The following RNF220 variants were observed in gnomAD, a reference collection of about 807,000 sequenced individuals.
RNF220 encodes E3 ubiquitin-protein ligase RNF220.
RNF220 carries 7 observed loss-of-function variants against 67.1 expected under a neutral mutation model. The observed-to-expected ratio is 0.10, with a 90% CI of 0.06 to 0.20. The LOEUF is 0.20. Ranked by LOEUF, RNF220 falls within the 10% of genes least tolerant of loss-of-function variation. The pLI, the probability that RNF220 is intolerant of heterozygous loss-of-function variation, is 1.00. For missense variants in RNF220, 565 were observed against 740.3 expected, an observed-to-expected ratio of 0.76 and a Z score of 2.75; for synonymous variants, 270 against 283.2, an observed-to-expected ratio of 0.95 and a Z score of 0.47.
At chr1:44,432,477 G>A (rs1032319870) in intron 2 of RNF220, among the ~76,000 whole-genome samples, 2 of 152,064 alleles carry the variant, frequency 1.3e-5, no homozygotes, top group East Asian at 1.9e-4. Flanking sequence ...CACCATGTTG[G>A]TCAGCCTGTT....
At position 44,488,222 on chromosome 1, in the gene RNF220, G is replaced by A. The variant is rs928548839; in HGVS notation, c.625+75500G>A. Among the ~76,000 whole-genome samples the A allele has an allele frequency of 6.7e-5, 10 of 149,068 alleles. No homozygotes were observed. The East Asian group carries it at 1.4e-3, about 21-fold the overall frequency. On this transcript the variant is annotated intron_variant, in intron 2 of 14. Transcript: ENST00000361799. ...ACGATCTCGGCTCACTGCAACCTTC[G>A]CCTCCTGGGTTCAAGTGATTCACCT...
At position 44,412,875 on chromosome 1, in the gene RNF220, T is replaced by G. The variant is rs1648116640; in HGVS notation, c.625+153T>G. 13 of 903,016 alleles carry G rather than the reference T, an allele frequency of 1.4e-5. No homozygotes were observed. Among genetic ancestry groups the G allele is most frequent in the Non-Finnish European group, 2.2e-5 (13 of 593,068 alleles). The allele number at this position is 903,016 out of a possible 1,614,324, so 55.9% of individuals were successfully genotyped here. ...TGTGGAGTGCTAACCTTTGCTTGTC[T>G]CTTATCAGTGAGCACTGATAGTTCT... On this transcript the variant is annotated intron_variant, in intron 2 of 14. Coordinates refer to ENST00000361799, the MANE Select transcript of RNF220 (RefSeq NM_018150.4). The surrounding 1 kb of genome is among the most constrained non-coding windows in gnomAD (Gnocchi z 5.3).
chr1:44,501,069 G>A (rs983913650), intron 2 of RNF220, among the ~76,000 whole-genome samples: 13 of 150,626 alleles, frequency 8.6e-5, no homozygotes, highest in African/African-American at 3.2e-4. Flanking sequence ...TGGGGGTGGG[G>A]GTATCGGGAG....
In RNF220 at chr1:44,412,875, T is replaced by C. The variant is rs1648116640; in HGVS notation, c.625+153T>C. The C allele has an allele frequency of 1.1e-6, 1 of 903,016 alleles. No individual in the cohort carries two copies. Among genetic ancestry groups the C allele is most frequent in the Non-Finnish European group, 1.7e-6 (1 of 593,068 alleles). The allele number at this position is 903,016 out of a possible 1,614,324, so 55.9% of individuals were successfully genotyped here. ...TGTGGAGTGCTAACCTTTGCTTGTC[T>C]CTTATCAGTGAGCACTGATAGTTCT... is the stretch of plus-strand genomic sequence containing the variant. On this transcript the variant is annotated intron_variant, in intron 2 of 14. Transcript: ENST00000361799. The surrounding 1 kb of genome is among the most constrained non-coding windows in gnomAD (Gnocchi z 5.3).
intron 2 of RNF220, among the ~76,000 whole-genome samples, chr1:44,542,145 G>T (rs370406348): frequency 2.0e-5 from 3 of 152,180 alleles, no homozygotes; most frequent in Admixed American, 6.5e-5. Context: ...AAGAACAGAG[G>T]GGGTACCAGT....
intron 2 of RNF220, among the ~76,000 whole-genome samples, chr1:44,541,617 C>T (rs1003597271): frequency 3.9e-5 from 6 of 152,242 alleles, no homozygotes; most frequent in African/African-American, 7.2e-5. Flanking sequence ...ACTTACTTCA[C>T]GGTCCCATCT....
intron 2 of RNF220, among the ~76,000 whole-genome samples, chr1:44,578,932 G>A (rs965945954): frequency 5.9e-5 from 9 of 152,242 alleles, no homozygotes; most frequent in Admixed American, 2.0e-4. Flanking sequence ...TTGGGAGGCC[G>A]AGGCGGGTGG....
chr1:44,531,755 A>C (rs958417692), intron 2 of RNF220, among the ~76,000 whole-genome samples: 1 of 152,194 alleles, frequency 6.6e-6, no homozygotes, highest in Non-Finnish European at 1.5e-5. Context: ...AATTCCCTCC[A>C]TTAGGACCAA....
intron 2 of RNF220, among the ~76,000 whole-genome samples, chr1:44,436,835 G>T (rs371737855): frequency 6.6e-6 from 1 of 152,130 alleles, no homozygotes; most frequent in African/African-American, 2.4e-5. Context: ...ACCCCAGAGC[G>T]CCCTCTCGTC....
At chr1:44,560,110 C>T (rs887062327) in intron 2 of RNF220, among the ~76,000 whole-genome samples, 7 of 152,192 alleles carry the variant, frequency 4.6e-5, no homozygotes, top group African/African-American at 1.7e-4. Context: ...TTGATGACGG[C>T]GTCACCTCCT....
intron 1 of RNF220, chr1:44,408,901 G>C (rs1282880935): frequency 6.6e-6 from 1 of 152,266 alleles, no homozygotes; most frequent in African/African-American, 2.4e-5. Context: ...TGCCGATCCC[G>C]GGCGCAGGTC....
intron 2 of RNF220, among the ~76,000 whole-genome samples, chr1:44,552,566 CTT>C (rs57847805): frequency 0.037 from 3,117 of 83,708 alleles, 81 homozygotes; most frequent in East Asian, 0.13. Context: ...TAAACTTCTT[CTT>C]TTTTTTTTTT....
intron 2 of RNF220, among the ~76,000 whole-genome samples, chr1:44,537,787 G>T (rs1189502228): frequency 6.6e-6 from 1 of 152,198 alleles, no homozygotes; most frequent in Admixed American, 6.5e-5. Flanking sequence ...CCAGAAAAGT[G>T]CAGAATGTTC....
intron 2 of RNF220, among the ~76,000 whole-genome samples, chr1:44,509,789 A>G (rs1658791585): frequency 6.8e-6 from 1 of 146,470 alleles, no homozygotes; most frequent in South Asian, 2.3e-4. Flanking sequence ...TTGGAGGCTA[A>G]GGCACGAGAA....
chr1:44,506,275 G>A (rs912099250), intron 2 of RNF220, among the ~76,000 whole-genome samples: 2 of 152,232 alleles, frequency 1.3e-5, no homozygotes, highest in Non-Finnish European at 2.9e-5. Flanking sequence ...TGGCGGGTGT[G>A]GAGGGGTGAA....
Position 44,621,443 on chromosome 1 carries a change from C to A in RNF220, c.759-1299C>A, listed in dbSNP as rs1411361086. Among the ~76,000 whole-genome samples the A allele has an allele frequency of 6.6e-6, 1 of 152,176 alleles. No individual in the cohort carries two copies. The highest frequency in any genetic ancestry group is 1.5e-5 in the Non-Finnish European group (1 of 68,030). On this transcript the variant is annotated intron_variant, in intron 3 of 14. Coordinates refer to ENST00000361799, the MANE Select transcript of RNF220 (RefSeq NM_018150.4). This position sits in a 1 kb window ranked among gnomAD's most constrained non-coding sequence, Gnocchi z 4.8. ...CTTTGCTGTGAGGGGCTGTCTGGTA[C>A]ACTGTAGGCTGTTTAACATCCTCTA...
chr1:44,640,761 T>G (rs2148496482), intron 8 of RNF220, among the ~76,000 whole-genome samples: 1 of 152,266 alleles, frequency 6.6e-6, no homozygotes, highest in Middle Eastern at 3.4e-3. Flanking sequence ...AGCTCCCCAA[T>G]CGATGGCGTT....
chr1:44,628,138 A>C (rs1298138655), intron 5 of RNF220, among the ~76,000 whole-genome samples: 1 of 152,258 alleles, frequency 6.6e-6, no homozygotes, highest in Non-Finnish European at 1.5e-5. Context: ...GGGAACAGAG[A>C]CAAGGCTTTG....
chr1:44,536,587 C>T (rs150368261), intron 2 of RNF220, among the ~76,000 whole-genome samples: 12 of 152,270 alleles, frequency 7.9e-5, no homozygotes, highest in East Asian at 7.7e-4. Context: ...TCTGGGGCTG[C>T]GGAGCTGGGG....
Sources: gnomAD v4.1 joint callset for allele counts (sites outside exome capture counted in the v4.1 genomes callset) on GRCh38, gnomAD v4.1.1 for gene constraint, Gnocchi (gnomAD v3.1) non-coding constraint, MANE v1.5 for transcripts, NCBI Gene and HGNC (gene_info 2026-07-23, HGNC 2026-07-21) for gene names.